ALX1: variants seen among roughly 807,000 people sequenced by gnomAD.
ALX1 encodes ALX homeobox 1, also known as ALX homeobox protein 1.
A neutral mutation model predicts 31.7 loss-of-function variants in ALX1; 19 were observed. That is an observed-to-expected ratio of 0.60 (90% CI 0.42 to 0.88). The LOEUF (loss-of-function observed/expected upper bound fraction) is 0.88. Among genes scored for constraint, ALX1 ranks in the 40% least tolerant of loss-of-function variants. The pLI is 0.00. For synonymous variants in ALX1, 153 were observed against 148.8 expected, an observed-to-expected ratio of 1.03 and a Z score of -0.20; for missense variants, 415 against 407.8, an observed-to-expected ratio of 1.02 and a Z score of -0.15.
intron 1 of ALX1, among the ~76,000 whole-genome samples, 176 bp downstream of exon 1, chr12:85,280,663 C>G (rs549312466): frequency 2.0e-5 from 3 of 152,178 alleles, no homozygotes; most frequent in African/African-American, 7.2e-5. Context: ...GCTGCTGCAG[C>G]CTTTGGGGGC....
chr12:85,280,562 C>A (rs1293038459), intron 1 of ALX1, 75 bp downstream of exon 1: 2 of 1,492,098 alleles, frequency 1.3e-6, no homozygotes, highest in Admixed American at 1.8e-5. Context: ...TCTGATCAGG[C>A]AGGGAGGGAG....
Position 85,283,670 on chromosome 12 carries a change from G to A in ALX1, c.325G>A (p.Gly109Arg). The A allele has an allele frequency of 1.2e-6, 2 of 1,614,168 alleles. No homozygotes were observed. Among genetic ancestry groups the A allele is most frequent in the Non-Finnish European group, 1.7e-6 (2 of 1,180,024 alleles). The change falls in exon 2 of 4, where the codon GGG becomes AGG. Residue 109 changes from glycine (G) to arginine (R), a missense_variant. By Grantham distance (125) the Gly-to-Arg change is moderately radical (BLOSUM62 -2). Coordinates refer to ENST00000316824, the MANE Select transcript of ALX1 (RefSeq NM_006982.3). ...CNSLRMSPVKGMQEKGELDEL... is the reference protein window; with the variant it reads ...CNSLRMSPVKRMQEKGELDEL... The stretch of plus-strand genomic sequence containing the variant: ...CAGTCTCCGAATGTCTCCCGTGAAA[G>A]GGATGCAAGAGAAGGGAGAGCTGGA...
At chr12:85,283,977 C>G in intron 2 of ALX1, 101 bp downstream of exon 2, 2 of 1,293,918 alleles carry the variant, frequency 1.5e-6, no homozygotes, top group South Asian at 2.4e-5. Context: ...AACTGATTCC[C>G]TAGCTGAAGA....
rs1242874318 is a variant in ALX1 at position 85,286,880 on chromosome 12, T to C, written c.559T>C (p.Trp187Arg). The C allele has an allele frequency of 6.2e-7, 1 of 1,610,646 alleles. No individual in the cohort carries two copies. Among genetic ancestry groups the C allele is most frequent in the African/African-American group, 1.3e-5 (1 of 74,728 alleles). Residue 187 changes from tryptophan to arginine, a missense_variant, in exon 3 of 4, where the codon TGG (tryptophan) becomes CGG (arginine). Transcript: ENST00000316824. ...QVWFQNRRAK[W>R]RKRERYGQIQ... is the part of the protein sequence containing the mutation. Reference sequence around the variant, plus strand: ...TTGGTTTCAAAATCGAAGGGCCAAATGGAGAAAAAGGGAACGTTATGGCCA... The same window carrying C: ...TTGGTTTCAAAATCGAAGGGCCAAACGGAGAAAAAGGGAACGTTATGGCCA...
At chr12:85,292,104 G>A (rs991323484) in intron 3 of ALX1, among the ~76,000 whole-genome samples, 1 of 150,990 alleles carries the variant, frequency 6.6e-6, no homozygotes, top group Non-Finnish European at 1.5e-5. Context: ...ATTTCCATTA[G>A]TCATTATTAA....
At chr12:85,281,702 T>C (rs911450008) in intron 1 of ALX1, among the ~76,000 whole-genome samples, 2 of 152,158 alleles carry the variant, frequency 1.3e-5, no homozygotes, top group Non-Finnish European at 2.9e-5. Flanking sequence ...AGCTAAGTCG[T>C]TTCAGTCATT....
In ALX1 at chr12:85,283,682, AAGGGAG is replaced by A. The variant is rs1896710003; in HGVS notation, c.340_345del (p.Gly114_Glu115del). ...GTCTCCCGTGAAAGGGATGCAAGAG[AAGGGAG>A]AGCTGGATGAACTTGGGGATAAATG... On this transcript the variant is annotated inframe_deletion, in exon 2 of 4. Transcript: ENST00000316824. 6.2e-7 allele frequency: 1 copy of A among 1,614,048 alleles called. No homozygotes were observed. The highest frequency in any genetic ancestry group is 1.3e-5 in the African/African-American group (1 of 74,914).
Position 85,301,499 on chromosome 12 carries a change from T to G in ALX1, c.*24T>G. ...AACATACAGTACTCTTTTATTTTTC[T>G]TTTAATAGCAAAGTTAAACATTCTT... On this transcript the variant is annotated 3_prime_UTR_variant, in exon 4 of 4. Transcript: ENST00000316824. 1 of 1,607,534 alleles carries G rather than the reference T, an allele frequency of 6.2e-7. No homozygotes were observed. The highest frequency in any genetic ancestry group is 8.5e-7 in the Non-Finnish European group (1 of 1,176,146).
chr12:85,280,969 C>T (rs1273437084), intron 1 of ALX1, among the ~76,000 whole-genome samples: 1 of 152,060 alleles, frequency 6.6e-6, no homozygotes, highest in Non-Finnish European at 1.5e-5. Context: ...ACAAAAAACC[C>T]TTTGAGCTCC....
In ALX1 at chr12:85,283,845, T is replaced by C. The variant is rs770139268; in HGVS notation, c.500T>C (p.Leu167Pro). The C allele has an allele frequency of 6.2e-7, 1 of 1,614,062 alleles. No homozygotes were observed. Among genetic ancestry groups the C allele is most frequent in the Non-Finnish European group, 8.5e-7 (1 of 1,179,986 alleles). Residue 167 changes from leucine to proline, a missense_variant, in exon 2 of 4, where the codon CTG becomes CCG. Coordinates refer to ENST00000316824, the MANE Select transcript of ALX1 (RefSeq NM_006982.3). ...GTGTATGTCAGAGAACAGCTTGCTC[T>C]GAGGACAGAGCTCACTGAGGCCAGG... ...PDVYVREQLA[L>P]RTELTEARVQ...
chr12:85,283,440 T>C (rs1593047360), intron 1 of ALX1, 132 bp from the exon 2 acceptor site: 3 of 900,244 alleles, frequency 3.3e-6, no homozygotes, highest in South Asian at 1.5e-5. Flanking sequence ...AATGTGGTAA[T>C]TGAATTAATA....
At chr12:85,296,635 AG>A (rs1289306165) in intron 3 of ALX1, among the ~76,000 whole-genome samples, 4 of 151,652 alleles carry the variant, frequency 2.6e-5, no homozygotes, top group Non-Finnish European at 3.0e-5. Flanking sequence ...TTAAAAAAAA[AG>A]TTTCAGAGAA....
intron 3 of ALX1, among the ~76,000 whole-genome samples, chr12:85,291,577 CTT>C (rs911612802): frequency 6.6e-6 from 1 of 151,038 alleles, no homozygotes; most frequent in Non-Finnish European, 1.5e-5. Context: ...TTACAAGGAA[CTT>C]TACAATTTCA....
chr12:85,300,677 C>A (rs979225532), intron 3 of ALX1, among the ~76,000 whole-genome samples: 1 of 152,028 alleles, frequency 6.6e-6, no homozygotes, highest in African/African-American at 2.4e-5. Context: ...AATATCTTTG[C>A]AGAACAGTCT....
At chr12:85,288,496 A>G (rs1199089146) in intron 3 of ALX1, among the ~76,000 whole-genome samples, 2 of 151,456 alleles carry the variant, frequency 1.3e-5, no homozygotes. Flanking sequence ...AGTTAGTTTG[A>G]GTGCCGTTAG....
At chr12:85,288,844 T>C (rs1896781997) in intron 3 of ALX1, among the ~76,000 whole-genome samples, 2 of 151,380 alleles carry the variant, frequency 1.3e-5, no homozygotes, top group Admixed American at 1.3e-4. Context: ...AGCATAAAGT[T>C]TGAGCTGCAT....
intron 3 of ALX1, among the ~76,000 whole-genome samples, chr12:85,290,999 T>G (rs1442656679): frequency 6.6e-6 from 1 of 151,198 alleles, no homozygotes. Context: ...TATATAGACA[T>G]TGGATAGATA....
chr12:85,286,744 AC>A lies in ALX1; in HGVS notation c.532-108del, dbSNP rs1896753175. 2.9e-6 allele frequency: 3 copies of A among 1,017,640 alleles called. No homozygotes were observed. The East Asian group carries it at 7.9e-5, about 27-fold the overall frequency. 63.0% of individuals were successfully genotyped at this position (1,017,640 alleles called of 1,614,324 possible). A position where few individuals can be genotyped will look rare whatever the true frequency, so the allele number is the denominator to read the frequency against. On this transcript the variant is annotated intron_variant, in intron 2 of 3. Coordinates refer to ENST00000316824, the MANE Select transcript of ALX1 (RefSeq NM_006982.3). ...TTCTAACATAAATACATTTCTTTTT[AC>A]GTAATTTTTTTAACCTGGTTTACCT...
chr12:85,282,843 A>C (rs1896695101), intron 1 of ALX1, among the ~76,000 whole-genome samples: 2 of 152,184 alleles, frequency 1.3e-5, no homozygotes, highest in Non-Finnish European at 1.5e-5. Flanking sequence ...AACTTATCTA[A>C]CTAGCTAAGC....
Sources: allele counts gnomAD v4.1 joint callset (sites outside exome capture counted in the v4.1 genomes callset), GRCh38; gene constraint gnomAD v4.1.1; transcripts MANE v1.5; gene names NCBI Gene and HGNC (gene_info 2026-07-23, HGNC 2026-07-21).